The following TENM1 variants were observed in gnomAD, a reference collection of about 807,000 sequenced individuals.
The protein encoded by TENM1 is teneurin transmembrane protein 1.
In TENM1, 35 loss-of-function variants were observed where a neutral mutation model predicts 174.8. The observed-to-expected ratio is 0.20, with a 90% CI of 0.15 to 0.27. TENM1 has a LOEUF of 0.27. TENM1 is among the 10% of genes least tolerant of loss of function. The pLI, the probability that TENM1 is intolerant of heterozygous loss-of-function variation, is 1.00. For missense variants in TENM1, 1,633 were observed against 2,130.1 expected, an observed-to-expected ratio of 0.77 and a Z score of 4.59; for synonymous variants, 781 against 798.7, an observed-to-expected ratio of 0.98 and a Z score of 0.37.
the TENM1 span, among the ~76,000 whole-genome samples, chrX:125,139,209 A>G: frequency 1.8e-5 from 2 of 111,791 alleles, no homozygotes; most frequent in Non-Finnish European, 3.8e-5. Context: ...AAATAATTGC[A>G]GATTGTAATA....
chrX:125,114,305 A>T, the TENM1 span, among the ~76,000 whole-genome samples: 1 of 111,995 alleles, frequency 8.9e-6, no homozygotes, highest in Non-Finnish European at 1.9e-5. Context: ...CACAGGAGAA[A>T]GCAGAAAAGA....
intron 3 of TENM1, among the ~76,000 whole-genome samples, chrX:124,842,194 C>T (rs2056516503): frequency 1.8e-5 from 2 of 111,298 alleles, no homozygotes; most frequent in Non-Finnish European, 3.8e-5. Context: ...TTACCATGGC[C>T]CAATACCTAG....
At chrX:124,758,943 A>G (rs1278735418) in intron 3 of TENM1, among the ~76,000 whole-genome samples, 1 of 111,912 alleles carries the variant, frequency 8.9e-6, no homozygotes. Flanking sequence ...AAAAGGTTCC[A>G]GATATTTGCT....
At chrX:124,385,750 C>T in exon 29 of TENM1, 1 of 1,210,779 alleles carries the variant, frequency 8.3e-7, no homozygotes, top group Non-Finnish European at 1.1e-6. Context: ...CTCCAGAAGA[C>T]TCTTCATATG....
At chrX:124,746,988 CA>C (rs2053934536) in intron 3 of TENM1, among the ~76,000 whole-genome samples, 1 of 108,300 alleles carries the variant, frequency 9.2e-6, no homozygotes, top group African/African-American at 3.4e-5. Context: ...TAATTTTGTA[CA>C]AAAAAATACA....
At chrX:124,412,657 C>T (rs2060550142) in intron 25 of TENM1, among the ~76,000 whole-genome samples, 1 of 112,446 alleles carries the variant, frequency 8.9e-6, no homozygotes, top group Non-Finnish European at 1.9e-5. Context: ...TAATAAATTC[C>T]TTTGGCTTCC....
chrX:124,729,917 C>T (rs751332727), intron 4 of TENM1, among the ~76,000 whole-genome samples: 16 of 111,250 alleles, frequency 1.4e-4, no homozygotes, highest in South Asian at 1.2e-3. Flanking sequence ...AGTGCAGTGG[C>T]GCGATCTCGG....
the TENM1 span, among the ~76,000 whole-genome samples, chrX:125,036,608 C>T: frequency 8.9e-6 from 1 of 111,904 alleles, no homozygotes; most frequent in Non-Finnish European, 1.9e-5. Context: ...GCTTTACTAA[C>T]ATGGGTGATT....
At chrX:125,158,204 A>G in the TENM1 span, among the ~76,000 whole-genome samples, 1 of 109,418 alleles carries the variant, frequency 9.1e-6, no homozygotes, top group Non-Finnish European at 1.9e-5. Context: ...AGAGATGGAG[A>G]CCATCCTGGC....
intron 3 of TENM1, among the ~76,000 whole-genome samples, chrX:124,849,224 C>T (rs1005941282): frequency 9.0e-6 from 1 of 111,175 alleles, no homozygotes; most frequent in Non-Finnish European, 1.9e-5. Flanking sequence ...TATTGTGGCA[C>T]AAAGACCCTA....
chrX:125,093,897 T>C, the TENM1 span, among the ~76,000 whole-genome samples: 1 of 112,189 alleles, frequency 8.9e-6, no homozygotes, highest in African/African-American at 3.2e-5. Context: ...TCATATACAG[T>C]TATAAGACAC....
the TENM1 span, among the ~76,000 whole-genome samples, chrX:125,104,738 C>T: frequency 9.1e-6 from 1 of 109,497 alleles, no homozygotes; most frequent in East Asian, 2.9e-4. Context: ...GATGAAACAA[C>T]TAGAAAGAAA....
chrX:124,764,424 T>G (rs1157459208), intron 3 of TENM1, among the ~76,000 whole-genome samples: 1 of 111,160 alleles, frequency 9.0e-6, no homozygotes, highest in East Asian at 2.8e-4. Context: ...AGTGTGAAAG[T>G]ACTTAGTGAC....
chrX:125,119,305 C>T, the TENM1 span, among the ~76,000 whole-genome samples: 1 of 111,864 alleles, frequency 8.9e-6, no homozygotes, highest in Admixed American at 9.5e-5. Context: ...TCACCTTAAA[C>T]AGTTATCACC....
intron 18 of TENM1, among the ~76,000 whole-genome samples, chrX:124,506,541 T>G (rs1327353325): frequency 8.9e-6 from 1 of 112,175 alleles, no homozygotes; most frequent in Non-Finnish European, 1.9e-5. Context: ...TTAGATTTAC[T>G]TTCTCCCAAG....
chrX:124,527,252 G>A (rs1602600996), intron 16 of TENM1, among the ~76,000 whole-genome samples: 1 of 111,536 alleles, frequency 9.0e-6, no homozygotes, highest in East Asian at 2.8e-4. Flanking sequence ...CTCTATGTGA[G>A]TATCTAATCT....
intron 11 of TENM1, among the ~76,000 whole-genome samples, chrX:124,587,674 C>A (rs1354534101): frequency 1.8e-5 from 2 of 110,967 alleles, no homozygotes; most frequent in African/African-American, 6.6e-5. Flanking sequence ...GCAACAAAAG[C>A]CAAAATTGAC....
chrX:124,671,732 A>C lies in TENM1; in HGVS notation c.1119T>G (p.Thr373=), dbSNP rs772170925. ...CTTTTCCTCCAATTGGAGAGTAAGTAGTGTCCATGGACTCGGTCCCCCTGT... is the reference window on the plus strand; with the variant it reads ...CTTTTCCTCCAATTGGAGAGTAAGTCGTGTCCATGGACTCGGTCCCCCTGT... The change falls in exon 6 of 32, where the codon ACT becomes ACG. Residue 373 remains threonine, a synonymous_variant. Transcript: ENST00000422452. The C allele has an allele frequency of 2.5e-6, 3 of 1,208,435 alleles. No individual in the cohort carries two copies. The African/African-American group carries it at 5.3e-5, about 21-fold the overall frequency.
At chrX:124,974,795 G>T in the TENM1 span, among the ~76,000 whole-genome samples, 1 of 103,401 alleles carries the variant, frequency 9.7e-6, no homozygotes, top group Non-Finnish European at 2.0e-5. Flanking sequence ...CTCTCATTTA[G>T]TATTTACCAT....
Sources: allele counts gnomAD v4.1 joint callset (sites outside exome capture counted in the v4.1 genomes callset), GRCh38; gene constraint gnomAD v4.1.1; transcripts MANE v1.5; gene names NCBI Gene and HGNC (gene_info 2026-07-23, HGNC 2026-07-21).